NUFIP2: variants seen among roughly 807,000 people sequenced by gnomAD.
NUFIP2 encodes the protein FMR1-interacting protein NUFIP2.
A neutral mutation model predicts 56.9 loss-of-function variants in NUFIP2; 6 were observed. The observed-to-expected ratio is 0.11, with a 90% CI of 0.06 to 0.21. The LOEUF is 0.21. NUFIP2 is among the 10% of genes least tolerant of loss of function. NUFIP2 has a pLI of 1.00. For synonymous variants in NUFIP2, 321 were observed against 298.2 expected, an observed-to-expected ratio of 1.08 and a Z score of -0.79; for missense variants, 828 against 826.8, an observed-to-expected ratio of 1.00 and a Z score of -0.02.
intron 2 of NUFIP2, among the ~76,000 whole-genome samples, chr17:29,272,837 ATTCT>A (rs139288050): frequency 0.052 from 7,856 of 150,642 alleles, 277 homozygotes; most frequent in South Asian, 0.16. Context: ...TCAGTAACTG[ATTCT>A]TTTTTTTTTT....
At chr17:29,274,176 T>C (rs961524549) in intron 2 of NUFIP2, among the ~76,000 whole-genome samples, 2 of 152,328 alleles carry the variant, frequency 1.3e-5, no homozygotes, top group South Asian at 4.1e-4. Context: ...CTATCCACCA[T>C]CTGTTTTTGC....
intron 1 of NUFIP2, among the ~76,000 whole-genome samples, chr17:29,293,488 G>A (rs183840757): frequency 5.3e-5 from 8 of 152,082 alleles, no homozygotes; most frequent in African/African-American, 1.9e-4. Flanking sequence ...AATGGGAAAA[G>A]AATAATGAGG....
At chr17:29,268,896 CA>C (rs2069055252) in intron 2 of NUFIP2, among the ~76,000 whole-genome samples, 1 of 152,144 alleles carries the variant, frequency 6.6e-6, no homozygotes, top group South Asian at 2.1e-4. Flanking sequence ...TAATGGCACA[CA>C]ATCATTTGTT....
At position 29,256,890 on chromosome 17, in the gene NUFIP2, GAAT is replaced by G. The variant is rs1343687068; in HGVS notation, c.*7646_*7648del. The G allele has an allele frequency of 1.3e-5, 2 of 152,090 alleles. No homozygotes were observed. 9.4% of individuals were successfully genotyped at this position (152,090 alleles called of 1,614,324 possible). The stretch of plus-strand genomic sequence containing the variant: ...CAGTGCTTTGATCTTACAAACAACT[GAAT>G]AATTCTAATCTCAAGCCAGTCAATT... On this transcript the variant is annotated 3_prime_UTR_variant, in exon 4 of 4. Coordinates refer to ENST00000225388, the MANE Select transcript of NUFIP2 (RefSeq NM_020772.3).
chr17:29,286,360 A>G lies in NUFIP2; in HGVS notation c.1634T>C (p.Val545Ala). ...TFQGEYPATL[V>A]SQGAEIIPSG... is the part of the protein sequence containing the mutation. ...GGGAATTATTTCAGCACCCTGTGAA[A>G]CCAAAGTAGCAGGATATTCTCCTTG... The change falls in exon 2 of 4, where the codon GTT becomes GCT. Residue 545 changes from valine (V) to alanine (A), a missense_variant. Val to Ala is a moderately conservative substitution (Grantham distance 64). Around this residue, in one of 3 missense-constraint regions of NUFIP2, gnomAD observed 404 missense variants for 380.3 expected, o/e 1.06. Transcript: ENST00000225388. The G allele has an allele frequency of 6.2e-7, 1 of 1,614,194 alleles. No individual in the cohort carries two copies. Among genetic ancestry groups the G allele is most frequent in the Non-Finnish European group, 8.5e-7 (1 of 1,180,038 alleles).
intron 3 of NUFIP2, among the ~76,000 whole-genome samples, chr17:29,267,184 G>A (rs1281687350): frequency 6.6e-6 from 1 of 151,148 alleles, no homozygotes; most frequent in Admixed American, 6.6e-5. Context: ...GATTACAGGC[G>A]TGAGCCACCG....
intron 2 of NUFIP2, among the ~76,000 whole-genome samples, chr17:29,277,591 C>A (rs2069115301): frequency 6.6e-6 from 1 of 152,098 alleles, no homozygotes; most frequent in Non-Finnish European, 1.5e-5. Flanking sequence ...GTTATTGTAC[C>A]ATGTTTTGCT....
In NUFIP2 at chr17:29,263,546, A is replaced by C. The variant is rs2069016291; in HGVS notation, c.*993T>G. ...AGAAATTAAAAGATAATTTACAGAAAGGTCTAAGTTTGTCTTAAATGTTTG... is the reference window on the plus strand; with the variant it reads ...AGAAATTAAAAGATAATTTACAGAACGGTCTAAGTTTGTCTTAAATGTTTG... On this transcript the variant is annotated 3_prime_UTR_variant, in exon 4 of 4. Coordinates refer to ENST00000225388, the MANE Select transcript of NUFIP2 (RefSeq NM_020772.3). The C allele has an allele frequency of 6.6e-6, 1 of 152,636 alleles. No individual in the cohort carries two copies. The highest frequency in any genetic ancestry group is 2.1e-4 in the South Asian group (1 of 4,828). The allele number at this position is 152,636 out of a possible 1,614,324, so 9.5% of individuals were successfully genotyped here. A position where few individuals can be genotyped will look rare whatever the true frequency, so the allele number is the denominator to read the frequency against.
intron 3 of NUFIP2, among the ~76,000 whole-genome samples, chr17:29,265,708 G>A (rs1215682257): frequency 1.0e-5 from 1 of 98,276 alleles, no homozygotes; most frequent in Admixed American, 1.2e-4. Flanking sequence ...AAGTATACAT[G>A]CTTAAAAAAA....
chr17:29,276,282 A>C (rs1336486540), intron 2 of NUFIP2, among the ~76,000 whole-genome samples: 3 of 152,080 alleles, frequency 2.0e-5, no homozygotes, highest in African/African-American at 7.2e-5. Context: ...CTCCACCTAA[A>C]GTAATCTTAC....
At position 29,262,937 on chromosome 17, in the gene NUFIP2, T is replaced by A. The variant is rs911322143; in HGVS notation, c.*1602A>T. On this transcript the variant is annotated 3_prime_UTR_variant, in exon 4 of 4. Coordinates refer to ENST00000225388, the MANE Select transcript of NUFIP2 (RefSeq NM_020772.3). ...ATAATCAACAAAACAAGAAAACCCA[T>A]CCATACTACAGTCACTCAAAACTGG... is the stretch of plus-strand genomic sequence containing the variant. The A allele has an allele frequency of 9.2e-5, 14 of 152,400 alleles. No individual in the cohort carries two copies. Among genetic ancestry groups the A allele is most frequent in the African/African-American group, 3.4e-4 (14 of 41,358 alleles). The allele number at this position is 152,400 out of a possible 1,614,324, so 9.4% of individuals were successfully genotyped here.
chr17:29,293,282 G>A (rs2069229851), intron 1 of NUFIP2, among the ~76,000 whole-genome samples: 1 of 151,406 alleles, frequency 6.6e-6, no homozygotes, highest in African/African-American at 2.4e-5. Context: ...TGGGCTTGGG[G>A]TGGCGGGTGA....
At position 29,261,604 on chromosome 17, in the gene NUFIP2, C is replaced by T. The variant is rs143534853; in HGVS notation, c.*2935G>A. 1 of 152,528 alleles carries T rather than the reference C, an allele frequency of 6.6e-6. No homozygotes were observed. Among genetic ancestry groups the T allele is most frequent in the East Asian group, 1.9e-4 (1 of 5,182 alleles). The allele number at this position is 152,528 out of a possible 1,614,324, so 9.4% of individuals were successfully genotyped here. A position where few individuals can be genotyped will look rare whatever the true frequency, so the allele number is the denominator to read the frequency against. ...CAGCTGAAGTTTGTTTAGAAGCTTA[C>T]ACAAAATAATCAGAAAACAGATCAA... On this transcript the variant is annotated 3_prime_UTR_variant, in exon 4 of 4. Coordinates refer to ENST00000225388, the MANE Select transcript of NUFIP2 (RefSeq NM_020772.3).
chr17:29,276,758 T>C (rs1032056788), intron 2 of NUFIP2, among the ~76,000 whole-genome samples: 1 of 152,206 alleles, frequency 6.6e-6, no homozygotes, highest in Admixed American at 6.5e-5. Flanking sequence ...GTGCAGTAAG[T>C]AGATACTGAT....
At chr17:29,282,375 CCT>C (rs1355437805) in intron 2 of NUFIP2, among the ~76,000 whole-genome samples, 13 of 151,730 alleles carry the variant, frequency 8.6e-5, no homozygotes, top group African/African-American at 2.9e-4. Flanking sequence ...ACGGTAAAAC[CCT>C]GTCTCTACTA....
chr17:29,287,687 C>T lies in NUFIP2; in HGVS notation c.307G>A (p.Glu103Lys), dbSNP rs754895395. 19 of 1,611,210 alleles carry T rather than the reference C, an allele frequency of 1.2e-5. No homozygotes were observed. The highest frequency in any genetic ancestry group is 1.2e-5 in the Non-Finnish European group (14 of 1,179,066). The part of the protein sequence containing the change: ...GYGELNGNAG[E>K]REISLKNLSS... ...AGGTTCTTTAAAGATATTTCTCTTT[C>T]TCCAGCATTACCGTTTAGTTCACCA... The change falls in exon 2 of 4, where the codon GAA becomes AAA. Residue 103 changes from glutamate to lysine, a missense_variant. Glu to Lys is a moderately conservative substitution (Grantham distance 56). Around this residue, in one of 3 missense-constraint regions of NUFIP2, gnomAD observed 415 missense variants for 408.7 expected, o/e 1.02. Transcript: ENST00000225388.
At chr17:29,288,674 G>A (rs2069192733) in intron 1 of NUFIP2, among the ~76,000 whole-genome samples, 1 of 152,184 alleles carries the variant, frequency 6.6e-6, no homozygotes, top group Non-Finnish European at 1.5e-5. Flanking sequence ...CTTTAAGAGA[G>A]ATGAAGTAAA....
rs550719649 is a variant in NUFIP2, at chr17:29,263,322, A to G, written c.*1217T>C. The G allele has an allele frequency of 7.9e-5, 12 of 152,568 alleles. No homozygotes were observed. The highest frequency in any genetic ancestry group is 1.2e-4 in the African/African-American group (5 of 41,434). The allele number at this position is 152,568 out of a possible 1,614,324, so 9.5% of individuals were successfully genotyped here. ...CCAAAGAAAATTTCCAGAATTTCACATTATTTTCCTTAAAAACCCATCTTG... is the reference window on the plus strand; with the variant it reads ...CCAAAGAAAATTTCCAGAATTTCACGTTATTTTCCTTAAAAACCCATCTTG... On this transcript the variant is annotated 3_prime_UTR_variant, in exon 4 of 4. Transcript: ENST00000225388.
intron 2 of NUFIP2, among the ~76,000 whole-genome samples, chr17:29,268,611 G>A (rs550856680): frequency 7.0e-4 from 107 of 152,122 alleles, no homozygotes; most frequent in Admixed American, 5.2e-3. Flanking sequence ...TCCCCCTCCC[G>A]GGTTCAAGCG....
Sources: allele counts gnomAD v4.1 joint callset (sites outside exome capture counted in the v4.1 genomes callset), GRCh38; gene constraint gnomAD v4.1.1; regional missense constraint gnomAD v4.1.1; transcripts MANE v1.5; gene names NCBI Gene and HGNC (gene_info 2026-07-23, HGNC 2026-07-21).